LMO7: variants seen among roughly 807,000 people sequenced by gnomAD.
The protein encoded by LMO7 is LIM domain 7, also known as LIM domain only protein 7.
LMO7 carries 120 observed loss-of-function variants against 206.5 expected under a neutral mutation model. That is an observed-to-expected ratio of 0.58 (90% CI 0.50 to 0.68). LMO7 has a LOEUF of 0.68. LMO7 is among the 30% of genes least tolerant of loss of function. The pLI, the probability that LMO7 is intolerant of heterozygous loss-of-function variation, is 0.00. For synonymous variants in LMO7, 706 were observed against 681.5 expected (o/e 1.04, Z -0.56); for missense variants, 1,959 against 1,957.9 (o/e 1.00, Z -0.01).
At chr13:75,688,171 G>GT (rs2041172863) in intron 1 of LMO7, among the ~76,000 whole-genome samples, 1 of 152,174 alleles carries the variant, frequency 6.6e-6, no homozygotes, top group Non-Finnish European at 1.5e-5. Context: ...TCTTGGGTAT[G>GT]TTTTTATTAG....
chr13:75,643,701 C>G lies in LMO7; in HGVS notation c.69+6975C>G, dbSNP rs558616631. Reference sequence around the variant, plus strand: ...TCAAAGCTCTTAATAGGGATAATAGCTGTCATATATGCACAACTTTGAAAC... The same window carrying G: ...TCAAAGCTCTTAATAGGGATAATAGGTGTCATATATGCACAACTTTGAAAC... On this transcript the variant is annotated intron_variant, in intron 1 of 30. Coordinates refer to ENST00000377534, the MANE Select transcript of LMO7 (RefSeq NM_001306080.2). Among the ~76,000 whole-genome samples, 7 of 152,322 alleles carry G rather than the reference C, an allele frequency of 4.6e-5. No individual in the cohort carries two copies. In the South Asian group the frequency reaches 1.0e-3, roughly 23 times the overall value.
At chr13:75,700,057 T>TGTTCTGCCCGGCCCTG (rs1307765252) in intron 1 of LMO7, among the ~76,000 whole-genome samples, 12 of 152,248 alleles carry the variant, frequency 7.9e-5, no homozygotes, top group African/African-American at 2.9e-4. Flanking sequence ...AATATGACTC[T>TGTTCTGCCCGGCCCTG]GTTCTGCCCG....
chr13:75,675,289 G>T (rs980341451), intron 1 of LMO7, among the ~76,000 whole-genome samples: 1 of 151,880 alleles, frequency 6.6e-6, no homozygotes. Flanking sequence ...GGCCAGGCTG[G>T]TCTCAAACTC....
intron 3 of LMO7, among the ~76,000 whole-genome samples, chr13:75,730,982 T>A (rs2045135204): frequency 1.3e-5 from 2 of 151,680 alleles, no homozygotes; most frequent in Admixed American, 1.3e-4. Flanking sequence ...GATTGCCCTG[T>A]GGTCTGAGAG....
At position 75,800,787 on chromosome 13, in the gene LMO7, A is replaced by C; in HGVS notation, c.566A>C (p.His189Pro). ...GAATTTCTTGCTCCTCCAAGGCACC[A>C]TAAGAGAGAAGATTCCTTTGAAAGC... ...RGEFLAPPRH[H>P]KREDSFESLD... Residue 189 changes from histidine to proline, a missense_variant, in exon 7 of 31, where the codon CAT becomes CCT. Coordinates refer to ENST00000377534, the MANE Select transcript of LMO7 (RefSeq NM_001306080.2). The C allele has an allele frequency of 6.2e-7, 1 of 1,614,168 alleles. No individual in the cohort carries two copies. The highest frequency in any genetic ancestry group is 2.2e-5 in the East Asian group (1 of 44,882).
At chr13:75,650,997 C>G (rs1474934592) in intron 1 of LMO7, among the ~76,000 whole-genome samples, 1 of 152,086 alleles carries the variant, frequency 6.6e-6, no homozygotes, top group Non-Finnish European at 1.5e-5. Context: ...AAAAGAAATG[C>G]ATTTTGTTTT....
At position 75,711,447 on chromosome 13, in the gene LMO7, T is replaced by C. The variant is rs2081876346; in HGVS notation, c.70-1735T>C. ...CTGGTCCTGGACTTTTTTTGGTTGG[T>C]AAGCTATTAATTATTGCCTCAATTT... is the stretch of plus-strand genomic sequence containing the variant. On this transcript the variant is annotated intron_variant, in intron 1 of 30. Transcript: ENST00000377534. Among the ~76,000 whole-genome samples the C allele has an allele frequency of 3.9e-5, 6 of 152,214 alleles. No individual in the cohort carries two copies. The South Asian group carries it at 1.2e-3, about 32-fold the overall frequency.
chr13:75,775,079 T>A (rs1487446487), intron 4 of LMO7, among the ~76,000 whole-genome samples: 1 of 152,160 alleles, frequency 6.6e-6, no homozygotes, highest in Admixed American at 6.5e-5. Flanking sequence ...TCAGTAGACT[T>A]AAAAGCAAAT....
At position 75,856,512 on chromosome 13, in the gene LMO7, G is replaced by A; in HGVS notation, c.4777G>A (p.Ala1593Thr). The change falls in exon 30 of 31, where the codon GCC becomes ACC. Residue 1593 changes from alanine (A) to threonine (T), a missense_variant. Physicochemically the swap from Ala to Thr is moderately conservative, Grantham distance 58. Coordinates refer to ENST00000377534, the MANE Select transcript of LMO7 (RefSeq NM_001306080.2). ...TTTTTTTTTTGTTCCCCAGTGTGTT[G>A]CCTGTGAGTGTGACCTCGGAGGCTC... ...CYHLHCFKCV[A>T]CECDLGGSSS... 7 of 1,593,740 alleles carry A rather than the reference G, an allele frequency of 4.4e-6. No homozygotes were observed. Among genetic ancestry groups the A allele is most frequent in the Non-Finnish European group, 6.0e-6 (7 of 1,164,548 alleles).
intron 1 of LMO7, among the ~76,000 whole-genome samples, chr13:75,709,481 A>T (rs374001646): frequency 0.067 from 10,121 of 150,640 alleles, 721 homozygotes; most frequent in African/African-American, 0.18. Flanking sequence ...CTTTTTAATG[A>T]TTGCCATTCT....
intron 1 of LMO7, among the ~76,000 whole-genome samples, chr13:75,649,864 T>C (rs1371127371): frequency 6.6e-6 from 1 of 152,246 alleles, no homozygotes. Flanking sequence ...TTAGAAACAC[T>C]TGATCCACTG....
At chr13:75,709,760 C>T (rs977889315) in intron 1 of LMO7, among the ~76,000 whole-genome samples, 2 of 152,176 alleles carry the variant, frequency 1.3e-5, no homozygotes, top group Admixed American at 6.5e-5. Context: ...CCTGTTCACT[C>T]TGATGGTAGT....
rs549382057 is a variant in LMO7 at position 75,631,020 on chromosome 13, T to TTTA, written c.225+7718_225+7720dup. Among the ~76,000 whole-genome samples, 300 of 151,824 alleles carry TTTA rather than the reference T, an allele frequency of 2.0e-3. 2 individuals carry two copies. The highest frequency in any genetic ancestry group is 6.1e-3 in the African/African-American group (253 of 41,392). ...TGTGCCACTGAATGTCCTTTTACTT[T>TTTA]TTATTATTATTATTATTATTTTTTG... On this transcript the variant is annotated intron_variant, in intron 2 of 29. Transcript: ENST00000341547.
At chr13:75,776,384 C>G (rs902889982) in intron 4 of LMO7, among the ~76,000 whole-genome samples, 5 of 150,928 alleles carry the variant, frequency 3.3e-5, no homozygotes, top group Non-Finnish European at 7.4e-5. Flanking sequence ...TTCCTTGTCT[C>G]CCACTCCTAA....
rs1327945658 is a variant in LMO7 at position 75,763,215 on chromosome 13, A to T, written c.317+2177A>T. ...GTTGTCATAGCTGGGTGAGTGTGCT[A>T]CAGGCATCTAATGGGTCAGGGATGC... On this transcript the variant is annotated intron_variant, in intron 4 of 30. Coordinates refer to ENST00000377534, the MANE Select transcript of LMO7 (RefSeq NM_001306080.2). Among the ~76,000 whole-genome samples the T allele has an allele frequency of 2.0e-5, 3 of 152,248 alleles. No individual in the cohort carries two copies. In the East Asian group the frequency reaches 5.8e-4, roughly 29 times the overall value.
intron 4 of LMO7, among the ~76,000 whole-genome samples, chr13:75,766,074 C>T (rs1461008715): frequency 2.6e-5 from 4 of 152,110 alleles, no homozygotes; most frequent in Non-Finnish European, 4.4e-5. Context: ...CTCCTCTGAT[C>T]AGTTAGCATT....
At chr13:75,742,766 A>G (rs2046514798) in intron 3 of LMO7, among the ~76,000 whole-genome samples, 1 of 152,220 alleles carries the variant, frequency 6.6e-6, no homozygotes, top group Non-Finnish European at 1.5e-5. Context: ...AAACTATAAA[A>G]ATTGTGGAAG....
At chr13:75,729,684 G>C (rs1448701919) in intron 3 of LMO7, among the ~76,000 whole-genome samples, 2 of 151,312 alleles carry the variant, frequency 1.3e-5, no homozygotes, top group Admixed American at 6.6e-5. Flanking sequence ...AGTGGTGAGA[G>C]AGGTCATCCC....
intron 3 of LMO7, among the ~76,000 whole-genome samples, chr13:75,752,382 C>T (rs1331346516): frequency 6.6e-6 from 1 of 152,162 alleles, no homozygotes; most frequent in Non-Finnish European, 1.5e-5. Flanking sequence ...ATCCACCCAC[C>T]TCAGCCTCCC....
Sources: gnomAD v4.1 joint callset for allele counts (sites outside exome capture counted in the v4.1 genomes callset) on GRCh38, gnomAD v4.1.1 for gene constraint, MANE v1.5 for transcripts, NCBI Gene and HGNC (gene_info 2026-07-23, HGNC 2026-07-21) for gene names.